PSD3: variants seen among roughly 807,000 people sequenced by gnomAD.
The protein encoded by PSD3 is PH and SEC7 domain-containing protein 3.
A neutral mutation model predicts 105.5 loss-of-function variants in PSD3; 49 were observed. That is an observed-to-expected ratio of 0.46 (90% confidence interval 0.37 to 0.59). The LOEUF (loss-of-function observed/expected upper bound fraction) is 0.59. Among genes scored for constraint, PSD3 ranks in the 20% least tolerant of loss-of-function variants. PSD3 has a pLI of 0.00. For missense variants in PSD3, 1,561 were observed against 1,263.8 expected (o/e 1.24, Z -3.57); for synonymous variants, 557 against 457.8 (o/e 1.22, Z -2.77).
chr8:18,719,007 T>C (rs1322500758), intron 9 of PSD3, among the ~76,000 whole-genome samples: 2 of 152,182 alleles, frequency 1.3e-5, no homozygotes, highest in East Asian at 3.8e-4. Context: ...CTTGTGGGAA[T>C]AAAGCATTAA....
intron 9 of PSD3, among the ~76,000 whole-genome samples, chr8:18,687,532 T>C (rs1474433062): frequency 6.6e-6 from 1 of 151,502 alleles, no homozygotes; most frequent in Non-Finnish European, 1.5e-5. Flanking sequence ...CGAAATGATT[T>C]CCCCCCTAAC....
chr8:18,735,097 T>C (rs73670003), intron 9 of PSD3, among the ~76,000 whole-genome samples: 2,789 of 152,276 alleles, frequency 0.018, 78 homozygotes, highest in African/African-American at 0.063. Context: ...CTAGGGTCTG[T>C]TGATTAATCC....
intron 1 of PSD3, among the ~76,000 whole-genome samples, chr8:18,979,064 A>C (rs2129472612): frequency 6.6e-6 from 1 of 152,108 alleles, no homozygotes; most frequent in South Asian, 2.1e-4. Context: ...TCTCATCTGG[A>C]GGACGAATGG....
chr8:19,057,130 C>G (rs143532522), intron 1 of PSD3, among the ~76,000 whole-genome samples: 1 of 152,194 alleles, frequency 6.6e-6, no homozygotes, highest in Non-Finnish European at 1.5e-5. Context: ...ACTCCCTGTA[C>G]TGCTCTCACT....
chr8:19,065,542 G>T (rs905845996), intron 1 of PSD3, among the ~76,000 whole-genome samples: 2 of 152,126 alleles, frequency 1.3e-5, no homozygotes, highest in Non-Finnish European at 2.9e-5. Flanking sequence ...CCCTCCTTGG[G>T]TTTGATTAAT....
At chr8:18,644,183 C>T (rs528077217) in intron 10 of PSD3, among the ~76,000 whole-genome samples, 9 of 152,328 alleles carry the variant, frequency 5.9e-5, no homozygotes, top group African/African-American at 2.2e-4. Context: ...GTTGCTTGGC[C>T]ACAACTGTGG....
intron 4 of PSD3, among the ~76,000 whole-genome samples, chr8:18,846,982 T>C (rs1815143000): frequency 6.6e-6 from 1 of 152,102 alleles, no homozygotes; most frequent in Admixed American, 6.6e-5. Context: ...CATGCTCCCT[T>C]AACTCTAAAG....
At chr8:18,796,065 T>C (rs140940161) in intron 8 of PSD3, among the ~76,000 whole-genome samples, 2 of 152,276 alleles carry the variant, frequency 1.3e-5, no homozygotes, top group Non-Finnish European at 2.9e-5. Flanking sequence ...AAATATTTAA[T>C]TTAAGGGAAT....
chr8:19,056,910 C>A (rs6985805), intron 1 of PSD3, among the ~76,000 whole-genome samples: 16,729 of 152,160 alleles, frequency 0.11, 1,139 homozygotes, highest in East Asian at 0.24. Flanking sequence ...TCTAATCTCC[C>A]AAGCTGTGGG....
chr8:18,681,807 C>G lies in PSD3; in HGVS notation c.2173-26122G>C, dbSNP rs537074584. 1.4e-4 allele frequency among the ~76,000 whole-genome samples: 21 copies of G among 152,094 alleles called. 1 individual carries two copies. Among genetic ancestry groups the G allele is most frequent in the South Asian group, 4.2e-4 (2 of 4,810 alleles). On this transcript the variant is annotated intron_variant, in intron 9 of 15. Coordinates refer to ENST00000327040, the MANE Select transcript of PSD3 (RefSeq NM_015310.4). ...AGCCACTAGATAATCCTAAAAATAT[C>G]TCTTGTGAGATATTGGGAGCTTGGC...
At chr8:18,663,174 T>C (rs1444316592) in intron 9 of PSD3, among the ~76,000 whole-genome samples, 1 of 152,052 alleles carries the variant, frequency 6.6e-6, no homozygotes, top group East Asian at 1.9e-4. Context: ...ACAAATGTAA[T>C]CCCAGCACTT....
intron 1 of PSD3, among the ~76,000 whole-genome samples, chr8:18,942,474 C>A (rs1822609114): frequency 6.6e-6 from 1 of 152,160 alleles, no homozygotes; most frequent in Non-Finnish European, 1.5e-5. Context: ...GCGTTATGGG[C>A]TGAATTGTGT....
chr8:18,591,068 T>A (rs530479157), intron 12 of PSD3, among the ~76,000 whole-genome samples: 52 of 152,322 alleles, frequency 3.4e-4, no homozygotes, highest in Admixed American at 1.6e-3. Context: ...CAATGATTTA[T>A]GGACCAAAAT....
intron 12 of PSD3, among the ~76,000 whole-genome samples, chr8:18,591,061 T>C (rs911437665): frequency 6.6e-6 from 1 of 152,172 alleles, no homozygotes; most frequent in African/African-American, 2.4e-5. Flanking sequence ...GAGTAATCAA[T>C]GATTTATGGA....
intron 1 of PSD3, among the ~76,000 whole-genome samples, chr8:19,050,595 C>G (rs936103579): frequency 1.4e-4 from 21 of 152,148 alleles, no homozygotes; most frequent in Admixed American, 3.3e-4. Context: ...AACAAAAAAC[C>G]AAACACCGCA....
intron 1 of PSD3, among the ~76,000 whole-genome samples, chr8:19,002,837 A>G (rs1826475869): frequency 6.6e-6 from 1 of 152,082 alleles, no homozygotes; most frequent in African/African-American, 2.4e-5. Flanking sequence ...TAAGTGTATT[A>G]GAATTTTTCT....
chr8:19,064,012 A>G (rs1419584047), intron 1 of PSD3, among the ~76,000 whole-genome samples: 1 of 152,102 alleles, frequency 6.6e-6, no homozygotes, highest in East Asian at 1.9e-4. Flanking sequence ...GTGGTGGTGC[A>G]CACCTGTAAT....
At chr8:18,839,919 C>G (rs1287444412) in intron 4 of PSD3, among the ~76,000 whole-genome samples, 1 of 152,132 alleles carries the variant, frequency 6.6e-6, no homozygotes, top group Non-Finnish European at 1.5e-5. Context: ...TTATCTCACC[C>G]ACATCATTCA....
intron 1 of PSD3, among the ~76,000 whole-genome samples, chr8:18,938,981 C>T (rs570191695): frequency 2.6e-5 from 4 of 152,232 alleles, no homozygotes; most frequent in African/African-American, 9.6e-5. Context: ...CAAGAGCCTA[C>T]ACTGGGGCTT....
Sources: gnomAD v4.1 joint callset for allele counts (sites outside exome capture counted in the v4.1 genomes callset) on GRCh38, gnomAD v4.1.1 for gene constraint, MANE v1.5 for transcripts, NCBI Gene and HGNC (gene_info 2026-07-23, HGNC 2026-07-21) for gene names.